CAST: variants seen among roughly 807,000 people sequenced by gnomAD.
CAST encodes MIR583 host.
In CAST, 76 loss-of-function variants were observed where a neutral mutation model predicts 119.6. The observed-to-expected ratio is 0.64, with a 90% confidence interval of 0.53 to 0.77. The LOEUF (loss-of-function observed/expected upper bound fraction) is 0.77, where lower values mean the gene tolerates loss of function less well. Among genes scored for constraint, CAST ranks in the 30% least tolerant of loss-of-function variants. CAST has a pLI of 0.00. For missense variants in CAST, 953 were observed against 946.5 expected, an observed-to-expected ratio of 1.01 and a Z score of -0.09; for synonymous variants, 319 against 331.6, an observed-to-expected ratio of 0.96 and a Z score of 0.41.
At chr5:96,359,827 C>G in the CAST span, among the ~76,000 whole-genome samples, 2 of 152,032 alleles carry the variant, frequency 1.3e-5, no homozygotes, top group Non-Finnish European at 2.9e-5. Flanking sequence ...TTGCTCATCT[C>G]GAAGAGTAAC....
the CAST span, among the ~76,000 whole-genome samples, chr5:96,206,340 AC>A: frequency 6.6e-6 from 1 of 151,734 alleles, no homozygotes; most frequent in Non-Finnish European, 1.5e-5. Context: ...TGTTTTTCTT[AC>A]AATTGCTTCT....
At chr5:96,734,024 G>A (rs1761141497) in intron 9 of CAST, among the ~76,000 whole-genome samples, 1 of 152,208 alleles carries the variant, frequency 6.6e-6, no homozygotes, top group Non-Finnish European at 1.5e-5. Context: ...CCCACAAGGT[G>A]TTATTTGGTG....
chr5:96,742,448 A>G (rs1762886376), intron 15 of CAST: 3 of 553,094 alleles, frequency 5.4e-6, no homozygotes, highest in Non-Finnish European at 3.2e-6. Flanking sequence ...TTACTGTAGA[A>G]ACGTGTCTTA....
chr5:96,767,369 C>T, intron 27 of CAST, 69 bp from the exon 28 acceptor site: 1 of 1,280,246 alleles, frequency 7.8e-7, no homozygotes, highest in Non-Finnish European at 1.1e-6. Context: ...AATAGATTCT[C>T]TACTGCCTAA....
intron 1 of CAST, among the ~76,000 whole-genome samples, chr5:96,620,801 T>G (rs1747588479): frequency 6.6e-6 from 1 of 152,238 alleles, no homozygotes; most frequent in African/African-American, 2.4e-5. Flanking sequence ...GGGGATTACC[T>G]TGCAATTATT....
At chr5:96,403,290 G>A in the CAST span, among the ~76,000 whole-genome samples, 1 of 152,170 alleles carries the variant, frequency 6.6e-6, no homozygotes, top group East Asian at 1.9e-4. Context: ...TATACTTTAA[G>A]TTCTAGGGTA....
At chr5:96,579,471 C>T (rs1489528915) in intron 1 of CAST, among the ~76,000 whole-genome samples, 1 of 152,106 alleles carries the variant, frequency 6.6e-6, no homozygotes, top group African/African-American at 2.4e-5. Flanking sequence ...TTCGTGTCAC[C>T]TGGTTTCAGA....
At chr5:96,320,761 C>G in the CAST span, among the ~76,000 whole-genome samples, 1 of 152,120 alleles carries the variant, frequency 6.6e-6, no homozygotes, top group Non-Finnish European at 1.5e-5. Flanking sequence ...ACTATTTAAC[C>G]TCATAGAATT....
the CAST span, among the ~76,000 whole-genome samples, chr5:96,454,267 C>T: frequency 6.6e-6 from 1 of 152,170 alleles, no homozygotes; most frequent in African/African-American, 2.4e-5. Flanking sequence ...ACCCATACTA[C>T]AGACAAGAAA....
chr5:96,380,522 A>G, the CAST span, among the ~76,000 whole-genome samples: 2 of 152,208 alleles, frequency 1.3e-5, no homozygotes, highest in African/African-American at 4.8e-5. Context: ...AAAAAGACTT[A>G]TGGAAAAACT....
chr5:96,709,092 A>G (rs866732838), intron 3 of CAST, among the ~76,000 whole-genome samples: 7 of 152,222 alleles, frequency 4.6e-5, no homozygotes, highest in South Asian at 2.1e-4. Context: ...TGCTTCCACT[A>G]TACAGAAATA....
At chr5:96,228,514 C>T in the CAST span, among the ~76,000 whole-genome samples, 1,106 of 141,438 alleles carry the variant, frequency 7.8e-3, 19 homozygotes, top group African/African-American at 0.027. Flanking sequence ...CTTGATTAAA[C>T]CTGTTAAGTA....
At chr5:96,152,601 AAG>A in the CAST span, among the ~76,000 whole-genome samples, 1 of 152,216 alleles carries the variant, frequency 6.6e-6, no homozygotes, top group Non-Finnish European at 1.5e-5. Flanking sequence ...CAAGGAGGTG[AAG>A]AGAGAGGAAA....
intron 1 of CAST, among the ~76,000 whole-genome samples, chr5:96,635,474 T>C (rs2150202467): frequency 6.6e-6 from 1 of 152,164 alleles, no homozygotes; most frequent in East Asian, 1.9e-4. Flanking sequence ...TGACTCCATC[T>C]CTCTGGGTTG....
chr5:96,123,237 C>T, the CAST span, among the ~76,000 whole-genome samples: 1 of 152,104 alleles, frequency 6.6e-6, no homozygotes, highest in African/African-American at 2.4e-5. Flanking sequence ...GAGAAACACT[C>T]ATATCCATTA....
the CAST span, among the ~76,000 whole-genome samples, chr5:96,476,872 G>A: frequency 4.4e-4 from 65 of 148,720 alleles, no homozygotes; most frequent in Non-Finnish European, 8.9e-4. Context: ...CGAGTTGACG[G>A]TTCTTGTCTT....
chr5:96,587,614 A>G lies in CAST; in HGVS notation c.60+57734A>G, dbSNP rs76921357. 2.9e-3 allele frequency among the ~76,000 whole-genome samples: 445 copies of G among 152,336 alleles called. 3 individuals carry two copies. The highest frequency in any genetic ancestry group is 0.01 in the African/African-American group (431 of 41,572). On this transcript the variant is annotated intron_variant, in intron 1 of 11. Coordinates refer to the CAST transcript ENST00000505143. ...AAGACCAGTAGGAAATGGGTAACCA[A>G]TAAGAATACTGAACATACTTAATCA...
the CAST span, among the ~76,000 whole-genome samples, chr5:96,472,671 C>G: frequency 6.6e-6 from 1 of 152,144 alleles, no homozygotes; most frequent in Non-Finnish European, 1.5e-5. Context: ...TATTTTCTAG[C>G]TCTGATCTAC....
the CAST span, among the ~76,000 whole-genome samples, chr5:96,091,206 CTTT>C: frequency 7.0e-6 from 1 of 143,296 alleles, no homozygotes. Flanking sequence ...GAATCTCTCT[CTTT>C]TTTTTTTTTT....
Sources: allele counts gnomAD v4.1 joint callset (sites outside exome capture counted in the v4.1 genomes callset), GRCh38; gene constraint gnomAD v4.1.1; transcripts MANE v1.5; gene names NCBI Gene and HGNC (gene_info 2026-07-23, HGNC 2026-07-21).